Variants in ESRRG observed in about 807,000 individuals in gnomAD.
ESRRG encodes the protein estrogen related receptor gamma.
ESRRG carries 13 observed loss-of-function variants against 44.0 expected under a neutral mutation model. The observed-to-expected ratio is 0.30, with a 90% CI of 0.19 to 0.47. ESRRG has a LOEUF of 0.47. Ranked by LOEUF, ESRRG falls within the 20% of genes least tolerant of loss-of-function variation. The pLI is 1.00. For missense variants in ESRRG, 395 were observed against 580.6 expected, an observed-to-expected ratio of 0.68 and a Z score of 3.29; for synonymous variants, 215 against 214.6, an observed-to-expected ratio of 1.00 and a Z score of -0.02.
intron 1 of ESRRG, among the ~76,000 whole-genome samples, chr1:216,973,599 G>A (rs1319016209): frequency 1.3e-5 from 2 of 152,094 alleles, no homozygotes; most frequent in Non-Finnish European, 2.9e-5. Context: ...GGCCGAGGCG[G>A]GTGGATCACC....
chr1:216,875,964 A>G (rs2149263916), intron 2 of ESRRG, among the ~76,000 whole-genome samples: 1 of 152,330 alleles, frequency 6.6e-6, no homozygotes, highest in African/African-American at 2.4e-5. Context: ...TAGAATGGAT[A>G]TCAGGCAAAA....
At chr1:216,768,476 A>ATCTATCTATCTATCTATCTATCTG (rs1553593092) in intron 2 of ESRRG, among the ~76,000 whole-genome samples, 10 of 149,508 alleles carry the variant, frequency 6.7e-5, no homozygotes, top group African/African-American at 1.2e-4. Context: ...CTATCTATCT[A>ATCTATCTATCTATCTATCTATCTG]TCTATCTATC....
At chr1:216,513,830 C>T (rs919372329) in intron 6 of ESRRG, among the ~76,000 whole-genome samples, 1 of 152,006 alleles carries the variant, frequency 6.6e-6, no homozygotes, top group Non-Finnish European at 1.5e-5. Context: ...GTCATAAAGA[C>T]AATTATAGTA....
intron 1 of ESRRG, among the ~76,000 whole-genome samples, chr1:217,136,696 C>T (rs1448204538): frequency 6.6e-6 from 1 of 152,190 alleles, no homozygotes; most frequent in Non-Finnish European, 1.5e-5. Context: ...TTCCTTTTGG[C>T]CAGGCCGGAT....
chr1:216,897,773 G>A (rs932613823), intron 2 of ESRRG, among the ~76,000 whole-genome samples: 3 of 151,710 alleles, frequency 2.0e-5, no homozygotes, highest in East Asian at 1.9e-4. Context: ...TTTTGCAGGG[G>A]ACACAATTTC....
intron 2 of ESRRG, among the ~76,000 whole-genome samples, chr1:216,665,684 A>G (rs1021645683): frequency 3.9e-5 from 6 of 152,140 alleles, no homozygotes; most frequent in African/African-American, 1.4e-4. Flanking sequence ...TAAGATGGTA[A>G]ATTTTATGTT....
chr1:216,918,181 T>G (rs1464273814), intron 2 of ESRRG, among the ~76,000 whole-genome samples: 1 of 152,214 alleles, frequency 6.6e-6, no homozygotes, highest in Non-Finnish European at 1.5e-5. Context: ...TCTGGGACAG[T>G]TAATTTTGTT....
intron 2 of ESRRG, among the ~76,000 whole-genome samples, chr1:216,675,778 C>G (rs1040141116): frequency 6.6e-6 from 1 of 152,190 alleles, no homozygotes; most frequent in Admixed American, 6.5e-5. Context: ...CTGGTACAGC[C>G]ACTGCACTTT....
At chr1:216,674,093 A>T (rs1163895686) in intron 2 of ESRRG, among the ~76,000 whole-genome samples, 1 of 152,216 alleles carries the variant, frequency 6.6e-6, no homozygotes, top group Non-Finnish European at 1.5e-5. Context: ...AACAAAATCA[A>T]ATTAATAACA....
At chr1:216,907,089 A>T (rs954093093) in intron 2 of ESRRG, among the ~76,000 whole-genome samples, 75 of 152,326 alleles carry the variant, frequency 4.9e-4, no homozygotes, top group African/African-American at 1.7e-3. Flanking sequence ...CAAGAGCTGG[A>T]ATATTCTGAG....
At position 216,572,610 on chromosome 1, in the gene ESRRG, C is replaced by T. The variant is rs1412254205; in HGVS notation, c.590-4512G>A. ...ATTAAAGACACCAATACAATTAAAG[C>T]ACCATGTCATAAATGAGGCAGGATC... On this transcript the variant is annotated intron_variant, in intron 3 of 6. Coordinates refer to ENST00000408911, the MANE Select transcript of ESRRG (RefSeq NM_001438.4). Among the ~76,000 whole-genome samples the T allele has an allele frequency of 2.0e-5, 3 of 151,860 alleles. No individual in the cohort carries two copies. The East Asian group carries it at 5.8e-4, about 29-fold the overall frequency.
At chr1:216,760,675 C>T (rs1243816935) in intron 2 of ESRRG, among the ~76,000 whole-genome samples, 1 of 151,920 alleles carries the variant, frequency 6.6e-6, no homozygotes, top group African/African-American at 2.4e-5. Flanking sequence ...TTAAAAACAT[C>T]CCAGAAAGGA....
intron 3 of ESRRG, among the ~76,000 whole-genome samples, chr1:216,641,240 G>A (rs2066361150): frequency 6.6e-6 from 1 of 152,150 alleles, no homozygotes; most frequent in Non-Finnish European, 1.5e-5. Flanking sequence ...CTGTAGTGCT[G>A]CAACTGTTTA....
At chr1:216,827,777 G>C (rs1307828134) in intron 2 of ESRRG, among the ~76,000 whole-genome samples, 5 of 152,156 alleles carry the variant, frequency 3.3e-5, no homozygotes, top group Non-Finnish European at 5.9e-5. Context: ...AGTCACGTAG[G>C]ACCTAATAGA....
chr1:216,809,542 A>G (rs2094904875), intron 2 of ESRRG, among the ~76,000 whole-genome samples: 1 of 152,198 alleles, frequency 6.6e-6, no homozygotes, highest in South Asian at 2.1e-4. Context: ...CCTGAAATTT[A>G]AGAACATTTT....
At chr1:216,632,815 T>C (rs771520684) in intron 3 of ESRRG, among the ~76,000 whole-genome samples, 1 of 152,146 alleles carries the variant, frequency 6.6e-6, no homozygotes, top group Non-Finnish European at 1.5e-5. Flanking sequence ...CGAAAGAAAG[T>C]AACTCATTGA....
intron 2 of ESRRG, among the ~76,000 whole-genome samples, chr1:216,802,377 AAG>A (rs1401519004): frequency 5.3e-5 from 8 of 152,172 alleles, no homozygotes; most frequent in African/African-American, 1.7e-4. Context: ...AAAGTCAAAA[AAG>A]AGAGAATTCA....
At chr1:216,953,818 G>A (rs1389018896) in intron 1 of ESRRG, among the ~76,000 whole-genome samples, 1 of 151,876 alleles carries the variant, frequency 6.6e-6, no homozygotes, top group African/African-American at 2.4e-5. Flanking sequence ...ATTCTTTTGT[G>A]TCTTATTTCA....
At chr1:216,870,822 G>A (rs2096249792) in intron 2 of ESRRG, among the ~76,000 whole-genome samples, 1 of 151,666 alleles carries the variant, frequency 6.6e-6, no homozygotes, top group Non-Finnish European at 1.5e-5. Context: ...ATGGTTGTAG[G>A]ATCTGTGATG....
Sources: gnomAD v4.1 joint callset for allele counts (sites outside exome capture counted in the v4.1 genomes callset) on GRCh38, gnomAD v4.1.1 for gene constraint, MANE v1.5 for transcripts, NCBI Gene and HGNC (gene_info 2026-07-23, HGNC 2026-07-21) for gene names.